The following AXDND1 variants were observed in gnomAD, a reference collection of about 807,000 sequenced individuals.
AXDND1 encodes the protein axonemal dynein light chain domain-containing protein 1.
Under a neutral mutation model 137.5 loss-of-function variants are expected in AXDND1, and 110 were observed. That is an observed-to-expected ratio of 0.80 (90% confidence interval 0.69 to 0.94). The LOEUF (loss-of-function observed/expected upper bound fraction) is 0.94. AXDND1 is among the 40% of genes least tolerant of loss of function. The pLI, the probability that AXDND1 is intolerant of heterozygous loss-of-function variation, is 0.00. For missense variants in AXDND1, 1,191 were observed against 1,169.8 expected, an observed-to-expected ratio of 1.02 and a Z score of -0.26; for synonymous variants, 414 against 399.7, an observed-to-expected ratio of 1.04 and a Z score of -0.43.
intron 21 of AXDND1, among the ~76,000 whole-genome samples, chr1:179,517,417 C>G (rs1669646790): frequency 6.6e-6 from 1 of 152,236 alleles, no homozygotes; most frequent in Admixed American, 6.5e-5. Context: ...GTTCTTCCCC[C>G]TGTGGAGTCT....
intron 16 of AXDND1, chr1:179,456,906 T>G (rs1417031214): frequency 9.1e-7 from 1 of 1,097,876 alleles, no homozygotes; most frequent in Non-Finnish European, 1.4e-6. Context: ...AAAGCCTCTT[T>G]TCTTGCCACT....
At chr1:179,482,947 A>G (rs1222136102) in intron 17 of AXDND1, among the ~76,000 whole-genome samples, 181 bp from the exon 18 acceptor site, 1 of 150,742 alleles carries the variant, frequency 6.6e-6, no homozygotes, top group Non-Finnish European at 1.5e-5. Context: ...AAGCTTTGTC[A>G]GTGAGTAAAC....
intron 21 of AXDND1, among the ~76,000 whole-genome samples, chr1:179,519,300 A>C (rs1470349033): frequency 2.6e-5 from 4 of 152,178 alleles, no homozygotes; most frequent in Non-Finnish European, 5.9e-5. Context: ...TGTCGGATAC[A>C]TAGTTTGCAA....
intron 18 of AXDND1, among the ~76,000 whole-genome samples, 198 bp downstream of exon 18, chr1:179,483,419 A>G (rs1454673720): frequency 2.0e-5 from 3 of 152,240 alleles, no homozygotes; most frequent in African/African-American, 7.2e-5. Context: ...AAGTTTTGCA[A>G]TTGAAGAGTC....
At chr1:179,500,555 A>T (rs1043124674) in intron 20 of AXDND1, among the ~76,000 whole-genome samples, 2 of 152,212 alleles carry the variant, frequency 1.3e-5, no homozygotes, top group South Asian at 4.1e-4. Flanking sequence ...AAGATACACC[A>T]TGTTCATGAA....
intron 17 of AXDND1, among the ~76,000 whole-genome samples, chr1:179,481,598 C>A (rs893954000): frequency 6.6e-6 from 1 of 152,194 alleles, no homozygotes; most frequent in Non-Finnish European, 1.5e-5. Context: ...TACAGTCCCA[C>A]CAACAGTGTA....
chr1:179,421,062 TTCCTTCC>T (rs1655620777), intron 12 of AXDND1, among the ~76,000 whole-genome samples: 1 of 121,696 alleles, frequency 8.2e-6, no homozygotes, highest in Non-Finnish European at 1.8e-5. Flanking sequence ...CCTTCCTTCC[TTCCTTCC>T]TTCCTTCCTT....
chr1:179,465,954 T>G (rs1663104156), intron 16 of AXDND1, among the ~76,000 whole-genome samples: 1 of 152,206 alleles, frequency 6.6e-6, no homozygotes, highest in Non-Finnish European at 1.5e-5. Flanking sequence ...GTGTGCCGTT[T>G]GCTAAGACCA....
chr1:179,477,364 AAAAG>A (rs2125517063), intron 17 of AXDND1, among the ~76,000 whole-genome samples: 1 of 152,294 alleles, frequency 6.6e-6, no homozygotes, highest in South Asian at 2.1e-4. Context: ...GGCAATTTAC[AAAAG>A]AAAGAGTTTC....
chr1:179,384,212 G>C (rs748281524), intron 8 of AXDND1, among the ~76,000 whole-genome samples: 1 of 152,072 alleles, frequency 6.6e-6, no homozygotes, highest in Non-Finnish European at 1.5e-5. Context: ...TCTCCATCTG[G>C]TTATTTACAT....
At position 179,393,160 on chromosome 1, in the gene AXDND1, G is replaced by A. The variant is rs143232179; in HGVS notation, c.864-743G>A. Among the ~76,000 whole-genome samples, 541 of 152,200 alleles carry A rather than the reference G, an allele frequency of 3.6e-3. 3 individuals carry two copies. The highest frequency in any genetic ancestry group is 0.012 in the African/African-American group (514 of 41,540). On this transcript the variant is annotated intron_variant, in intron 9 of 25. Transcript: ENST00000367618. The stretch of plus-strand genomic sequence containing the variant: ...ACTTTTGTATGAGGTGTGAGATGAG[G>A]ATCCAGTTTCATTCTTCTACATATG...
In AXDND1 at chr1:179,411,311, A is replaced by G. The variant is rs753783296; in HGVS notation, c.1230+45A>G. ...CAACTCACACTTCTTTTTTGGCTAA[A>G]GATTCATTCTACAGTTTTAAAATTT... On this transcript the variant is annotated intron_variant, in intron 12 of 25. Coordinates refer to ENST00000367618, the MANE Select transcript of AXDND1 (RefSeq NM_144696.6). 13 of 1,592,384 alleles carry G rather than the reference A, an allele frequency of 8.2e-6. No individual in the cohort carries two copies. The Admixed American group carries it at 1.1e-4, about 14-fold the overall frequency.
At chr1:179,492,494 A>G (rs1667034086) in intron 19 of AXDND1, among the ~76,000 whole-genome samples, 3 of 152,034 alleles carry the variant, frequency 2.0e-5, no homozygotes, top group African/African-American at 7.2e-5. Flanking sequence ...GAAGATTTCC[A>G]CTGAATAAAG....
chr1:179,464,677 G>A (rs1662869245), intron 16 of AXDND1, among the ~76,000 whole-genome samples: 1 of 152,074 alleles, frequency 6.6e-6, no homozygotes, highest in African/African-American at 2.4e-5. Flanking sequence ...GCTAGGTTGG[G>A]GAAGTTCTCC....
At chr1:179,487,259 C>T (rs187916944) in intron 18 of AXDND1, among the ~76,000 whole-genome samples, 1 of 148,646 alleles carries the variant, frequency 6.7e-6, no homozygotes, top group Admixed American at 6.6e-5. Flanking sequence ...TGCCTCCTTA[C>T]TTCATTTTAC....
intron 20 of AXDND1, among the ~76,000 whole-genome samples, chr1:179,507,227 G>A (rs1283056914): frequency 6.6e-6 from 1 of 152,060 alleles, no homozygotes; most frequent in African/African-American, 2.4e-5. Context: ...AAGCTATCCT[G>A]GTCTATAGCT....
intron 9 of AXDND1, among the ~76,000 whole-genome samples, chr1:179,386,815 C>G (rs1168467494): frequency 6.6e-6 from 1 of 152,086 alleles, no homozygotes; most frequent in Non-Finnish European, 1.5e-5. Flanking sequence ...GCCTTGAACT[C>G]CTGAGCTCAA....
intron 4 of AXDND1, among the ~76,000 whole-genome samples, chr1:179,371,497 A>T (rs1294482718): frequency 2.0e-5 from 3 of 152,198 alleles, no homozygotes. Context: ...TTAAGTGTGA[A>T]GTCAGGTTGA....
In AXDND1 at chr1:179,472,524, T is replaced by C. The variant is rs557100686; in HGVS notation, c.1997+3883T>C. On this transcript the variant is annotated intron_variant, in intron 17 of 25. Coordinates refer to ENST00000367618, the MANE Select transcript of AXDND1 (RefSeq NM_144696.6). Reference sequence around the variant, plus strand: ...TGTCTGGTCTAGTTGGTTTGTAGTATTGTTAAAATCTTCTGTTTCCTTATT... The same window carrying C: ...TGTCTGGTCTAGTTGGTTTGTAGTACTGTTAAAATCTTCTGTTTCCTTATT... 7.1e-4 allele frequency among the ~76,000 whole-genome samples: 108 copies of C among 152,302 alleles called. 2 individuals are homozygous for C. The highest frequency in any genetic ancestry group is 6.8e-3 in the Middle Eastern group (2 of 294).
Sources: allele counts gnomAD v4.1 joint callset (sites outside exome capture counted in the v4.1 genomes callset), GRCh38; gene constraint gnomAD v4.1.1; transcripts MANE v1.5; gene names NCBI Gene and HGNC (gene_info 2026-07-23, HGNC 2026-07-21).